Variants in CEP152 observed in about 807,000 individuals in gnomAD.
CEP152 encodes centrosomal protein of 152 kDa.
Under a neutral mutation model 188.9 loss-of-function variants are expected in CEP152, and 132 were observed. The ratio of observed to expected loss-of-function variants is 0.70; its 90% confidence interval spans 0.61 to 0.81. The LOEUF is 0.81. CEP152 is among the 30% of genes least tolerant of loss of function. The pLI is 0.00. For synonymous variants in CEP152, 649 were observed against 666.6 expected (o/e 0.97, Z 0.41); for missense variants, 1,914 against 1,969.8 (o/e 0.97, Z 0.54).
intron 21 of CEP152, among the ~76,000 whole-genome samples, chr15:48,750,961 C>G (rs1371984719): frequency 1.3e-5 from 2 of 152,082 alleles, no homozygotes; most frequent in Non-Finnish European, 2.9e-5. Flanking sequence ...TTCCTGGTTG[C>G]TAGGCTTCAT....
intron 11 of CEP152, among the ~76,000 whole-genome samples, chr15:48,781,689 G>A (rs879718871): frequency 6.6e-6 from 1 of 152,128 alleles, no homozygotes; most frequent in African/African-American, 2.4e-5. Context: ...GACAAAGTAC[G>A]CTGGTTTGCC....
intron 18 of CEP152, 47 bp from the exon 19 acceptor site, chr15:48,760,313 A>G (rs770607234): frequency 1.7e-5 from 27 of 1,606,216 alleles, no homozygotes; most frequent in Non-Finnish European, 2.3e-5. Context: ...TATAAAACTT[A>G]AAAAAGATCC....
At position 48,756,557 on chromosome 15, in the gene CEP152, A is replaced by C. The variant is rs1187910777; in HGVS notation, c.2695-4T>G. The C allele has an allele frequency of 1.9e-6, 3 of 1,603,422 alleles. No homozygotes were observed. Among genetic ancestry groups the C allele is most frequent in the African/African-American group, 1.3e-5 (1 of 75,028 alleles). On this transcript the variant is annotated splice_region_variant and splice_polypyrimidine_tract_variant and intron_variant, in intron 19 of 26. Coordinates refer to ENST00000380950, the MANE Select transcript of CEP152 (RefSeq NM_001194998.2). Reference sequence around the variant, plus strand: ...CTTCAGAAACAGCAAATGATATCTAAAGAACATAACAACATGCATTTTGAA... The same window carrying C: ...CTTCAGAAACAGCAAATGATATCTACAGAACATAACAACATGCATTTTGAA...
At chr15:48,766,853 T>C (rs1361898788) in intron 17 of CEP152, among the ~76,000 whole-genome samples, 1 of 152,088 alleles carries the variant, frequency 6.6e-6, no homozygotes, top group Non-Finnish European at 1.5e-5. Flanking sequence ...CCTATCTATA[T>C]GCCATTGTAC....
At chr15:48,741,408 G>C in intron 26 of CEP152, 193 bp downstream of exon 26, 1 of 1,429,654 alleles carries the variant, frequency 7.0e-7, no homozygotes, top group Non-Finnish European at 9.1e-7. Flanking sequence ...GAAACTGATG[G>C]GCATGCTCAG....
chr15:48,752,030 A>G (rs1893911056), intron 21 of CEP152, among the ~76,000 whole-genome samples: 1 of 152,226 alleles, frequency 6.6e-6, no homozygotes, highest in Non-Finnish European at 1.5e-5. Flanking sequence ...TTGAATGAAA[A>G]AGTCTGTATT....
At chr15:48,801,078 C>T (rs961753492) in intron 2 of CEP152, among the ~76,000 whole-genome samples, 1 of 152,176 alleles carries the variant, frequency 6.6e-6, no homozygotes, top group African/African-American at 2.4e-5. Flanking sequence ...ACAAACCATA[C>T]AATAATCTTC....
At chr15:48,748,080 G>T (rs936572479) in intron 22 of CEP152, among the ~76,000 whole-genome samples, 2 of 152,076 alleles carry the variant, frequency 1.3e-5, no homozygotes, top group East Asian at 3.9e-4. Context: ...TCTGTTGTTA[G>T]ATCTCCTCAC....
chr15:48,745,738 G>A (rs760882042), intron 22 of CEP152, among the ~76,000 whole-genome samples: 5 of 152,154 alleles, frequency 3.3e-5, no homozygotes, highest in African/African-American at 4.8e-5. Context: ...AAGAGTCCAT[G>A]TGGTATGAAG....
At chr15:48,800,958 AAC>A (rs1314498498) in intron 2 of CEP152, among the ~76,000 whole-genome samples, 1 of 152,230 alleles carries the variant, frequency 6.6e-6, no homozygotes, top group Non-Finnish European at 1.5e-5. Flanking sequence ...GCAAATGTAA[AAC>A]AGAGAACATG....
chr15:48,750,809 C>T (rs1893813520), intron 21 of CEP152, among the ~76,000 whole-genome samples: 1 of 152,060 alleles, frequency 6.6e-6, no homozygotes, highest in South Asian at 2.1e-4. Context: ...TTTGAGGGTA[C>T]ATACACATAA....
At chr15:48,790,818 T>C (rs1896945504) in intron 8 of CEP152, among the ~76,000 whole-genome samples, 1 of 152,206 alleles carries the variant, frequency 6.6e-6, no homozygotes, top group Non-Finnish European at 1.5e-5. Context: ...TTCGACCGCC[T>C]CGGCTTCCCA....
chr15:48,759,217 G>T (rs1317430066), intron 19 of CEP152, among the ~76,000 whole-genome samples: 1 of 152,026 alleles, frequency 6.6e-6, no homozygotes, highest in African/African-American at 2.4e-5. Context: ...TCAAAACTGA[G>T]TTGTTATTAT....
chr15:48,754,409 C>A (rs187385142), intron 20 of CEP152, among the ~76,000 whole-genome samples: 1 of 151,954 alleles, frequency 6.6e-6, no homozygotes. Flanking sequence ...TTATAAAAAT[C>A]GAAACATGCT....
chr15:48,784,159 G>T (rs767004461), intron 9 of CEP152, 39 bp from the exon 10 acceptor site: 3 of 1,585,828 alleles, frequency 1.9e-6, no homozygotes, highest in Non-Finnish European at 2.6e-6. Flanking sequence ...TTTTCATAAA[G>T]AGTTTTAATA....
At chr15:48,767,759 A>T (rs535389044) in intron 15 of CEP152, among the ~76,000 whole-genome samples, 14 of 152,338 alleles carry the variant, frequency 9.2e-5, no homozygotes, top group South Asian at 4.1e-4. Context: ...GTTTATAAAA[A>T]ATTAATGGCA....
intron 10 of CEP152, among the ~76,000 whole-genome samples, chr15:48,782,997 G>A (rs2140846196): frequency 6.6e-6 from 1 of 152,258 alleles, no homozygotes; most frequent in East Asian, 1.9e-4. Context: ...CATACATTTA[G>A]GCAGTCTTTG....
intron 12 of CEP152, among the ~76,000 whole-genome samples, chr15:48,773,094 A>C (rs1895671410): frequency 6.6e-6 from 1 of 152,286 alleles, no homozygotes; most frequent in South Asian, 2.1e-4. Flanking sequence ...AATTTCTGTT[A>C]TTTTTTTCAA....
intron 18 of CEP152, 144 bp from the exon 19 acceptor site, chr15:48,760,410 A>G: frequency 2.1e-6 from 2 of 931,590 alleles, no homozygotes; most frequent in Admixed American, 4.2e-5. Flanking sequence ...TACCCTACCT[A>G]TCCCAAACAG....
Sources: gnomAD v4.1 joint callset for allele counts (sites outside exome capture counted in the v4.1 genomes callset) on GRCh38, gnomAD v4.1.1 for gene constraint, MANE v1.5 for transcripts, NCBI Gene and HGNC (gene_info 2026-07-23, HGNC 2026-07-21) for gene names.